DGKH: variants seen among roughly 807,000 people sequenced by gnomAD.
DGKH encodes diacylglycerol kinase eta.
A neutral mutation model predicts 159.3 loss-of-function variants in DGKH; 90 were observed. The observed-to-expected ratio is 0.57, with a 90% confidence interval of 0.48 to 0.67. DGKH has a LOEUF of 0.67. Ranked by LOEUF, DGKH falls within the 30% of genes least tolerant of loss-of-function variation. The probability of loss-of-function intolerance (pLI) is 0.00; values close to 1 mark genes in which losing one functional copy is unlikely to be tolerated. For synonymous variants in DGKH, 536 were observed against 553.8 expected, an observed-to-expected ratio of 0.97 and a Z score of 0.45; for missense variants, 1,181 against 1,506.1, an observed-to-expected ratio of 0.78 and a Z score of 3.57.
In DGKH at chr13:42,223,490, G is replaced by A. The variant is rs182584891; in HGVS notation, c.3573+2096G>A. On this transcript the variant is annotated intron_variant, in intron 29 of 29. Transcript: ENST00000337343. ...AAAATATATGGGTACAGCTGGGCAC[G>A]GTGGCTCACTCCTATAATCCCAGCA... 7.9e-5 allele frequency among the ~76,000 whole-genome samples: 12 copies of A among 152,034 alleles called. No homozygotes were observed. In the East Asian group the frequency reaches 1.4e-3, roughly 17 times the overall value.
intron 1 of DGKH, among the ~76,000 whole-genome samples, chr13:42,060,005 A>C (rs1030101724): frequency 6.6e-6 from 1 of 151,236 alleles, no homozygotes; most frequent in Admixed American, 6.6e-5. Flanking sequence ...TACCAGGTTT[A>C]AGTGATTCTC....
chr13:42,146,280 T>C (rs1336502790), intron 3 of DGKH, among the ~76,000 whole-genome samples: 2 of 151,634 alleles, frequency 1.3e-5, no homozygotes, highest in African/African-American at 4.8e-5. Flanking sequence ...AAAATGACTG[T>C]AGATAAACTT....
rs190988389 is a variant in DGKH, at chr13:42,121,772, T to C, written c.193-5691T>C. Among the ~76,000 whole-genome samples, 10 of 152,332 alleles carry C rather than the reference T, an allele frequency of 6.6e-5. No individual in the cohort carries two copies. In the East Asian group the frequency reaches 1.7e-3, roughly 26 times the overall value. On this transcript the variant is annotated intron_variant, in intron 1 of 29. Coordinates refer to ENST00000337343, the MANE Select transcript of DGKH (RefSeq NM_178009.5). ...TAAGCGTTAAGGCAGATTTATGACA[T>C]GGTTTCTATGGAAAGATGTACTCCT...
chr13:42,232,656 C>T lies in DGKH; in HGVS notation c.*3468C>T, dbSNP rs943303979. On this transcript the variant is annotated 3_prime_UTR_variant, in exon 30 of 30. Coordinates refer to ENST00000337343, the MANE Select transcript of DGKH (RefSeq NM_178009.5). The stretch of plus-strand genomic sequence containing the variant: ...TGTTAGGAAGAAAACAATTTAAAGA[C>T]ACTAATTTTACAGTTTGCGTTCTGT... The T allele has an allele frequency of 1.3e-5, 2 of 152,150 alleles. No homozygotes were observed. Among genetic ancestry groups the T allele is most frequent in the Non-Finnish European group, 2.9e-5 (2 of 68,036 alleles). The allele number at this position is 152,150 out of a possible 1,614,324, so 9.4% of individuals were successfully genotyped here. A position where few individuals can be genotyped will look rare whatever the true frequency, so the allele number is the denominator to read the frequency against.
At chr13:42,217,798 C>T (rs1447042727) in intron 26 of DGKH, among the ~76,000 whole-genome samples, 1 of 152,142 alleles carries the variant, frequency 6.6e-6, no homozygotes, top group Non-Finnish European at 1.5e-5. Context: ...CTTTGGGAGG[C>T]TGAGGCAGGC....
At chr13:42,063,164 A>C (rs953781493) in intron 1 of DGKH, among the ~76,000 whole-genome samples, 2 of 152,162 alleles carry the variant, frequency 1.3e-5, no homozygotes, top group African/African-American at 2.4e-5. Flanking sequence ...TGCTAGGGCA[A>C]TGTATCTGGA....
rs1300446045 is a variant in DGKH at position 42,230,834 on chromosome 13, G to C, written c.*1646G>C. 1 of 152,024 alleles carries C rather than the reference G, an allele frequency of 6.6e-6. No individual in the cohort carries two copies. The highest frequency in any genetic ancestry group is 6.6e-5 in the Admixed American group (1 of 15,262). 9.4% of individuals were successfully genotyped at this position (152,024 alleles called of 1,614,324 possible). A position where few individuals can be genotyped will look rare whatever the true frequency, so the allele number is the denominator to read the frequency against. ...ATACTAATAGGCGAGCATTTAAAAT[G>C]AACTATTGTCAGGCATATTATTTAA... is the stretch of plus-strand genomic sequence containing the variant. On this transcript the variant is annotated 3_prime_UTR_variant, in exon 30 of 30. Coordinates refer to ENST00000337343, the MANE Select transcript of DGKH (RefSeq NM_178009.5).
rs1163569983 is a variant in DGKH at position 42,241,538 on chromosome 13, A to G, written c.*12350A>G. ...TACATGTGATCCCAGTGACTGATAGATCTGTAGAATGTGAACTCACATTTA... is the reference window on the plus strand; with the variant it reads ...TACATGTGATCCCAGTGACTGATAGGTCTGTAGAATGTGAACTCACATTTA... On this transcript the variant is annotated 3_prime_UTR_variant, in exon 30 of 30. Coordinates refer to ENST00000337343, the MANE Select transcript of DGKH (RefSeq NM_178009.5). 1 of 152,364 alleles carries G rather than the reference A, an allele frequency of 6.6e-6. No individual in the cohort carries two copies. Among genetic ancestry groups the G allele is most frequent in the South Asian group, 2.1e-4 (1 of 4,830 alleles). The allele number at this position is 152,364 out of a possible 1,614,324, so 9.4% of individuals were successfully genotyped here. A position where few individuals can be genotyped will look rare whatever the true frequency, so the allele number is the denominator to read the frequency against.
At chr13:42,185,304 C>A (rs1445739364) in intron 13 of DGKH, among the ~76,000 whole-genome samples, 1 of 152,186 alleles carries the variant, frequency 6.6e-6, no homozygotes, top group Non-Finnish European at 1.5e-5. Flanking sequence ...TCTTTCCACA[C>A]TTGTGTGGCG....
chr13:42,090,990 C>T (rs1306179867), intron 1 of DGKH, among the ~76,000 whole-genome samples: 2 of 152,220 alleles, frequency 1.3e-5, no homozygotes, highest in African/African-American at 4.8e-5. Flanking sequence ...CCCTCACCAA[C>T]ACTGAACCTG....
At chr13:42,219,551 C>CT (rs557552329) in intron 27 of DGKH, 135 bp from the exon 28 acceptor site, 2 of 1,197,230 alleles carry the variant, frequency 1.7e-6, no homozygotes, top group Non-Finnish European at 1.2e-6. Context: ...ACATTGTGAA[C>CT]TTTTTTTGAA....
chr13:42,110,818 T>C (rs1003124077), intron 1 of DGKH, among the ~76,000 whole-genome samples: 51 of 152,390 alleles, frequency 3.3e-4, no homozygotes, highest in Non-Finnish European at 5.4e-4. Flanking sequence ...CTGGTATTTA[T>C]ACAGCATGTA....
Position 42,221,332 on chromosome 13 carries a change from A to G in DGKH, c.3511A>G (p.Ile1171Val), listed in dbSNP as rs369487836. Residue 1171 changes from isoleucine (I) to valine (V), a missense_variant, in exon 29 of 30, where the codon ATC becomes GTC. By Grantham distance (29) the Ile-to-Val change is conservative. This residue lies in a region of DGKH where 84 missense variants were observed against 77.9 expected (regional missense o/e 1.08). Coordinates refer to ENST00000337343, the MANE Select transcript of DGKH (RefSeq NM_178009.5). ...DLLNLGEYKD[I>V]FIRHDIRGAE... is the part of the protein sequence containing the mutation. ...GCTCAATTTGGGAGAGTACAAAGAT[A>G]TCTTCATCCGTCATGACATCAGAGG... The G allele has an allele frequency of 1.9e-6, 3 of 1,613,842 alleles. No homozygotes were observed. The highest frequency in any genetic ancestry group is 1.7e-6 in the Non-Finnish European group (2 of 1,179,756).
intron 24 of DGKH, 62 bp downstream of exon 24, chr13:42,210,827 T>C: frequency 6.6e-7 from 1 of 1,513,784 alleles, no homozygotes; most frequent in East Asian, 2.3e-5. Context: ...TTTTTGTTTT[T>C]TTAATCTTAA....
chr13:42,091,997 A>G (rs561093141), intron 1 of DGKH, among the ~76,000 whole-genome samples: 2 of 152,314 alleles, frequency 1.3e-5, no homozygotes, highest in African/African-American at 4.8e-5. Context: ...TGTTTTCTGT[A>G]ATTGGCTGTA....
chr13:42,190,548 A>G, intron 16 of DGKH, 23 bp downstream of exon 16: 2 of 1,560,214 alleles, frequency 1.3e-6, no homozygotes, highest in Middle Eastern at 1.7e-4. Context: ...GGAAAAAATT[A>G]TTTTGGAATT....
chr13:42,120,977 A>G (rs1955057477), intron 1 of DGKH, among the ~76,000 whole-genome samples: 1 of 151,890 alleles, frequency 6.6e-6, no homozygotes, highest in South Asian at 2.1e-4. Context: ...CCAACCCACA[A>G]CTAGATTTTG....
chr13:42,139,860 G>C (rs1955497443), intron 3 of DGKH, among the ~76,000 whole-genome samples: 1 of 152,172 alleles, frequency 6.6e-6, no homozygotes, highest in Admixed American at 6.5e-5. Flanking sequence ...TTCAGGGATA[G>C]GTCCCTGTCT....
intron 29 of DGKH, among the ~76,000 whole-genome samples, chr13:42,251,966 T>A (rs977533111): frequency 1.3e-5 from 2 of 152,224 alleles, no homozygotes; most frequent in African/African-American, 4.8e-5. Flanking sequence ...GTTTGGTTCC[T>A]AGCTGGTCTT....
Sources: allele counts gnomAD v4.1 joint callset (sites outside exome capture counted in the v4.1 genomes callset), GRCh38; gene constraint gnomAD v4.1.1; regional missense constraint gnomAD v4.1.1; transcripts MANE v1.5; gene names NCBI Gene and HGNC (gene_info 2026-07-23, HGNC 2026-07-21).